Variants in RXRA observed in about 807,000 individuals in gnomAD.
RXRA encodes the protein retinoic acid receptor RXR-alpha.
A neutral mutation model predicts 44.5 loss-of-function variants in RXRA; 5 were observed. The ratio of observed to expected loss-of-function variants is 0.11; its 90% CI spans 0.06 to 0.24. RXRA has a LOEUF of 0.24. Ranked by LOEUF, RXRA falls within the 10% of genes least tolerant of loss-of-function variation. The probability of loss-of-function intolerance (pLI) is 1.00; values close to 1 mark genes in which losing one functional copy is unlikely to be tolerated. For missense variants in RXRA, 412 were observed against 646.5 expected (o/e 0.64, Z 3.93); for synonymous variants, 291 against 271.4 (o/e 1.07, Z -0.71).
Position 134,362,860 on chromosome 9 carries a change from T to A in RXRA, c.28+36201T>A, listed in dbSNP as rs755151204. Among the ~76,000 whole-genome samples the A allele has an allele frequency of 1.2e-4, 18 of 152,238 alleles. 1 individual carries two copies. Among genetic ancestry groups the A allele is most frequent in the Non-Finnish European group, 2.4e-4 (16 of 68,044 alleles). Reference sequence around the variant, plus strand: ...CACTTGGACGGGGATCCTGCCTGTGTGTGCCCCCATGCCCGGGTCTGCACC... The same window carrying A: ...CACTTGGACGGGGATCCTGCCTGTGAGTGCCCCCATGCCCGGGTCTGCACC... On this transcript the variant is annotated intron_variant, in intron 1 of 9. Coordinates refer to ENST00000481739, the MANE Select transcript of RXRA (RefSeq NM_002957.6).
At chr9:134,356,489 C>T (rs535330521) in intron 1 of RXRA, among the ~76,000 whole-genome samples, 10 of 152,142 alleles carry the variant, frequency 6.6e-5, no homozygotes, top group Admixed American at 5.2e-4. Flanking sequence ...CCAGGGCTTT[C>T]GGGGTATATA....
At position 134,366,821 on chromosome 9, in the gene RXRA, G is replaced by A. The variant is rs927102558; in HGVS notation, c.29-34811G>A. The stretch of plus-strand genomic sequence containing the variant: ...AGGTCCACAGATGCCTGGGGACAAG[G>A]ATTAGTGTGAGCAAAGACACAGGAG... On this transcript the variant is annotated intron_variant, in intron 1 of 9. Transcript: ENST00000481739. This position sits in a 1 kb window ranked among gnomAD's most constrained non-coding sequence, Gnocchi z 5.9. Among the ~76,000 whole-genome samples the A allele has an allele frequency of 2.6e-5, 4 of 152,216 alleles. No homozygotes were observed. Among genetic ancestry groups the A allele is most frequent in the Non-Finnish European group, 4.4e-5 (3 of 68,036 alleles).
At chr9:134,341,636 C>T (rs1241250093) in intron 1 of RXRA, among the ~76,000 whole-genome samples, 5 of 152,232 alleles carry the variant, frequency 3.3e-5, no homozygotes, top group Non-Finnish European at 5.9e-5. Context: ...CAGGGTTGGG[C>T]TGGCTCGCAG....
At chr9:134,333,574 G>T (rs1835041634) in intron 1 of RXRA, among the ~76,000 whole-genome samples, 1 of 152,130 alleles carries the variant, frequency 6.6e-6, no homozygotes, top group African/African-American at 2.4e-5. Flanking sequence ...AGCCGCCATG[G>T]ATAAACCCTC....
chr9:134,412,738 C>T (rs73556281), intron 4 of RXRA, among the ~76,000 whole-genome samples: 9,687 of 152,166 alleles, frequency 0.064, 909 homozygotes, highest in African/African-American at 0.21. Context: ...CGCAGGGACA[C>T]GTGCTCTGAT....
intron 6 of RXRA, chr9:134,425,605 C>T: frequency 4.1e-6 from 1 of 241,808 alleles, no homozygotes; most frequent in Non-Finnish European, 5.2e-6. Context: ...CCTTGCTGGG[C>T]TGGGAGGGAG....
At chr9:134,339,011 G>A (rs1244094792) in intron 1 of RXRA, among the ~76,000 whole-genome samples, 1 of 152,258 alleles carries the variant, frequency 6.6e-6, no homozygotes, top group Non-Finnish European at 1.5e-5. Flanking sequence ...CTTGCTTGGC[G>A]CTGGCAGTGC....
intron 1 of RXRA, among the ~76,000 whole-genome samples, chr9:134,392,797 G>A (rs1367569732): frequency 2.6e-5 from 4 of 152,154 alleles, no homozygotes; most frequent in African/African-American, 7.2e-5. Context: ...TTTTGGCCGT[G>A]CGGGTTGCAC....
intron 2 of RXRA, chr9:134,405,370 G>A (rs1011499204): frequency 2.6e-5 from 4 of 152,266 alleles, no homozygotes; most frequent in African/African-American, 7.2e-5. Context: ...GGCTCACCGG[G>A]CCCTGGGCTC....
chr9:134,418,955 C>G (rs1831283247), intron 5 of RXRA, among the ~76,000 whole-genome samples: 2 of 152,200 alleles, frequency 1.3e-5, no homozygotes, highest in Non-Finnish European at 2.9e-5. Context: ...TCAGGGCCAC[C>G]CTGCTTCCCT....
chr9:134,401,160 G>A (rs1178050934), intron 1 of RXRA, among the ~76,000 whole-genome samples: 1 of 152,270 alleles, frequency 6.6e-6, no homozygotes, highest in Admixed American at 6.5e-5. Context: ...GAACTGACCA[G>A]GTCCTGGTAC....
intron 4 of RXRA, among the ~76,000 whole-genome samples, chr9:134,416,729 T>C (rs1439632263): frequency 6.6e-6 from 1 of 151,848 alleles, no homozygotes; most frequent in African/African-American, 2.4e-5. Context: ...CGTGCTCTGC[T>C]CTGCTTCTGG....
intron 1 of RXRA, among the ~76,000 whole-genome samples, chr9:134,348,026 C>T (rs1830175511): frequency 2.0e-5 from 3 of 152,066 alleles, no homozygotes; most frequent in Admixed American, 1.3e-4. Context: ...ATGGAGGAGC[C>T]GGTGGGTCTG....
At chr9:134,369,448 TG>T (rs557208045) in intron 1 of RXRA, among the ~76,000 whole-genome samples, 2 of 85,480 alleles carry the variant, frequency 2.3e-5, no homozygotes, top group African/African-American at 4.8e-5. Flanking sequence ...TGTGTGTATG[TG>T]GGGGGGTTGT....
At chr9:134,428,285 C>A (rs1831469149) in intron 6 of RXRA, among the ~76,000 whole-genome samples, 2 of 131,924 alleles carry the variant, frequency 1.5e-5, no homozygotes, top group South Asian at 5.1e-4. Flanking sequence ...GGAACCCCCA[C>A]TATGTTGAGG....
chr9:134,427,943 A>G (rs1316428595), intron 6 of RXRA, among the ~76,000 whole-genome samples: 3 of 152,134 alleles, frequency 2.0e-5, no homozygotes, highest in African/African-American at 7.2e-5. Context: ...AGGTGACTCC[A>G]TGTCACCCTG....
intron 2 of RXRA, chr9:134,404,108 G>A (rs772550364): frequency 1.3e-5 from 2 of 152,240 alleles, no homozygotes; most frequent in Non-Finnish European, 2.9e-5. Flanking sequence ...CAGGAGGGAT[G>A]TGCCCCCACT....
At chr9:134,409,218 T>C in intron 4 of RXRA, 99 bp downstream of exon 4, 2 of 1,225,394 alleles carry the variant, frequency 1.6e-6, no homozygotes, top group East Asian at 2.8e-5. Context: ...AGGGAGTGAG[T>C]GGCCTGGACA....
intron 1 of RXRA, among the ~76,000 whole-genome samples, chr9:134,338,347 T>C (rs1830038404): frequency 6.6e-6 from 1 of 152,232 alleles, no homozygotes; most frequent in African/African-American, 2.4e-5. Context: ...GCTGTGGCGC[T>C]GAAAGGGCCT....
Sources: allele counts gnomAD v4.1 joint callset (sites outside exome capture counted in the v4.1 genomes callset), GRCh38; gene constraint gnomAD v4.1.1; non-coding constraint Gnocchi (gnomAD v3.1); transcripts MANE v1.5; gene names NCBI Gene and HGNC (gene_info 2026-07-23, HGNC 2026-07-21).